RAB38: variants seen among roughly 807,000 people sequenced by gnomAD.
The protein encoded by RAB38 is RAB38, member RAS oncogene family.
RAB38 carries 15 observed loss-of-function variants against 18.4 expected under a neutral mutation model. The observed-to-expected ratio is 0.82, with a 90% CI of 0.55 to 1.26. The LOEUF (loss-of-function observed/expected upper bound fraction) is 1.26. RAB38 is among the 50% of genes most tolerant of loss of function. The pLI, the probability that RAB38 is intolerant of heterozygous loss-of-function variation, is 0.00. For synonymous variants in RAB38, 101 were observed against 104.4 expected (o/e 0.97, Z 0.20); for missense variants, 294 against 267.4 (o/e 1.10, Z -0.69).
the RAB38 span, among the ~76,000 whole-genome samples, chr11:87,895,038 A>G: frequency 2.0e-5 from 3 of 151,576 alleles, no homozygotes; most frequent in Admixed American, 6.6e-5. Flanking sequence ...CTCTGGTCCC[A>G]TTTTGTAGGG....
intron 2 of RAB38, among the ~76,000 whole-genome samples, chr11:88,145,579 G>C (rs1024975288): frequency 1.3e-5 from 2 of 152,130 alleles, no homozygotes; most frequent in Non-Finnish European, 2.9e-5. Flanking sequence ...TTGTTCAGCA[G>C]GTAGCAGAAC....
chr11:87,887,917 T>A, the RAB38 span, among the ~76,000 whole-genome samples: 2 of 127,286 alleles, frequency 1.6e-5, no homozygotes, highest in Non-Finnish European at 3.7e-5. Context: ...GCTATAAGAA[T>A]CTTCTAGTTG....
At chr11:87,821,814 TCACTC>T in the RAB38 span, among the ~76,000 whole-genome samples, 1 of 149,754 alleles carries the variant, frequency 6.7e-6, no homozygotes, top group African/African-American at 2.5e-5. Flanking sequence ...TCCCGCCACT[TCACTC>T]CACCCTGGGC....
Position 88,149,916 on chromosome 11 carries a change from C to T in RAB38, c.242G>A (p.Arg81Gln), listed in dbSNP as rs774050658. 1.1e-5 allele frequency: 18 copies of T among 1,613,770 alleles called. No homozygotes were observed. In the Admixed American group the frequency reaches 1.8e-4, roughly 16 times the overall value. ...RFGNMTRVYY[R>Q]EAMGAFIVFD... is the part of the protein sequence containing the mutation. ...GACAATAAATGCACCCATAGCTTCTCGGTAATAGACCCTCGTCATGTTTCC... is the reference window on the plus strand; with the variant it reads ...GACAATAAATGCACCCATAGCTTCTTGGTAATAGACCCTCGTCATGTTTCC... The change falls in exon 2 of 3, where the codon CGA becomes CAA. Residue 81 changes from arginine (R) to glutamine (Q), a missense_variant. Coordinates refer to ENST00000243662, the MANE Select transcript of RAB38 (RefSeq NM_022337.3).
chr11:88,016,963 G>C, the RAB38 span, among the ~76,000 whole-genome samples: 1 of 152,044 alleles, frequency 6.6e-6, no homozygotes, highest in Non-Finnish European at 1.5e-5. Flanking sequence ...CAAACCAACA[G>C]TTACAAAGCA....
At chr11:88,166,204 G>A (rs1406415055) in intron 1 of RAB38, 1 of 152,040 alleles carries the variant, frequency 6.6e-6, no homozygotes. Context: ...CATCATGGAG[G>A]GAGGGAGAAA....
chr11:87,921,339 T>A, the RAB38 span, among the ~76,000 whole-genome samples: 3 of 151,878 alleles, frequency 2.0e-5, no homozygotes, highest in African/African-American at 7.2e-5. Context: ...AGCCATGGGA[T>A]AAGGGTAAAC....
At chr11:88,115,230 C>T (rs908090009) in intron 2 of RAB38, among the ~76,000 whole-genome samples, 1 of 148,262 alleles carries the variant, frequency 6.7e-6, no homozygotes, top group Non-Finnish European at 1.5e-5. Flanking sequence ...TGTAGAACTT[C>T]TTTGATGTAT....
the RAB38 span, among the ~76,000 whole-genome samples, chr11:88,016,423 G>A: frequency 6.6e-6 from 1 of 152,114 alleles, no homozygotes; most frequent in Non-Finnish European, 1.5e-5. Context: ...TAATGAAAAT[G>A]ATTGAAGACT....
At chr11:88,135,428 T>C (rs1471183996) in intron 2 of RAB38, among the ~76,000 whole-genome samples, 1 of 152,214 alleles carries the variant, frequency 6.6e-6, no homozygotes, top group East Asian at 1.9e-4. Flanking sequence ...GAAGAATAAA[T>C]GAATAGATAA....
the RAB38 span, among the ~76,000 whole-genome samples, chr11:87,828,596 T>C: frequency 0.021 from 3,172 of 152,258 alleles, 69 homozygotes; most frequent in African/African-American, 0.048. Context: ...GGAAGGTAAC[T>C]AGGTTCTTCT....
the RAB38 span, among the ~76,000 whole-genome samples, chr11:87,869,054 C>T: frequency 6.6e-6 from 1 of 151,706 alleles, no homozygotes; most frequent in Non-Finnish European, 1.5e-5. Flanking sequence ...ACTTTTTCTA[C>T]TGCCTTATCC....
chr11:87,923,311 G>C, the RAB38 span, among the ~76,000 whole-genome samples: 1 of 151,760 alleles, frequency 6.6e-6, no homozygotes, highest in Non-Finnish European at 1.5e-5. Context: ...TAGAGAAGAC[G>C]CATTCATTAA....
chr11:88,157,749 CAATAA>C (rs1943143223), intron 1 of RAB38, among the ~76,000 whole-genome samples: 1 of 151,914 alleles, frequency 6.6e-6, no homozygotes, highest in Non-Finnish European at 1.5e-5. Flanking sequence ...TTCGGATAAA[CAATAA>C]AATAAAGGAT....
chr11:88,174,038 G>A, intron 1 of RAB38: 1 of 985,408 alleles, frequency 1.0e-6, no homozygotes, highest in African/African-American at 1.7e-5. Context: ...ATAACGAAAG[G>A]TTCCTGGTGT....
At chr11:88,074,726 A>C in the RAB38 span, among the ~76,000 whole-genome samples, 4 of 152,154 alleles carry the variant, frequency 2.6e-5, no homozygotes, top group Admixed American at 6.5e-5. Flanking sequence ...AGTGAATCTA[A>C]ATTGATTCAA....
intron 2 of RAB38, among the ~76,000 whole-genome samples, chr11:88,143,569 G>A (rs977002226): frequency 2.6e-5 from 4 of 152,198 alleles, no homozygotes; most frequent in Non-Finnish European, 4.4e-5. Flanking sequence ...TCATTAAGAA[G>A]TAGAACCTAC....
the RAB38 span, among the ~76,000 whole-genome samples, chr11:88,092,481 C>G: frequency 1.2e-3 from 178 of 147,944 alleles, no homozygotes; most frequent in Non-Finnish European, 2.1e-3. Flanking sequence ...ACAACTGGAT[C>G]TCATATGAAT....
chr11:88,162,575 T>A (rs927387484), intron 1 of RAB38, among the ~76,000 whole-genome samples: 17 of 152,096 alleles, frequency 1.1e-4, no homozygotes, highest in African/African-American at 4.1e-4. Context: ...GACTGTCTAA[T>A]TTCATCTCGT....
Sources: gnomAD v4.1 joint callset for allele counts (sites outside exome capture counted in the v4.1 genomes callset) on GRCh38, gnomAD v4.1.1 for gene constraint, MANE v1.5 for transcripts, NCBI Gene and HGNC (gene_info 2026-07-23, HGNC 2026-07-21) for gene names.